The following MIGA1 variants were observed in gnomAD, a reference collection of about 807,000 sequenced individuals.
The protein encoded by MIGA1 is family with sequence similarity 73, member A.
MIGA1 carries 58 observed loss-of-function variants against 82.0 expected under a neutral mutation model. That is an observed-to-expected ratio of 0.71 (90% CI 0.57 to 0.88). MIGA1 has a LOEUF of 0.88. Among genes scored for constraint, MIGA1 ranks in the 40% least tolerant of loss-of-function variants. The probability of loss-of-function intolerance (pLI) is 0.00; values close to 1 mark genes in which losing one functional copy is unlikely to be tolerated. For synonymous variants in MIGA1, 249 were observed against 253.6 expected, an observed-to-expected ratio of 0.98 and a Z score of 0.17; for missense variants, 751 against 749.1, an observed-to-expected ratio of 1.00 and a Z score of -0.03.
At chr1:77,814,432 T>G (rs1189754880) in intron 6 of MIGA1, among the ~76,000 whole-genome samples, 1 of 151,996 alleles carries the variant, frequency 6.6e-6, no homozygotes, top group Non-Finnish European at 1.5e-5. Flanking sequence ...GTTGCCCAGG[T>G]TGGAGTACAG....
Position 77,859,316 on chromosome 1 carries a change from C to T in MIGA1, c.1118C>T (p.Thr373Ile). The change falls in exon 10 of 16, where the codon ACT becomes ATT. Residue 373 changes from threonine to isoleucine, a missense_variant and splice_region_variant. Thr to Ile is a moderately conservative substitution (Grantham distance 89). Transcript: ENST00000370791. ...TGTCTCCCCTGTTTATTACATAGAA[C>T]TGAAATGTTGGAGTGCCTAGGAGAC... 6.2e-7 allele frequency: 1 copy of T among 1,610,758 alleles called. No homozygotes were observed. Among genetic ancestry groups the T allele is most frequent in the Non-Finnish European group, 8.5e-7 (1 of 1,177,038 alleles).
At chr1:77,871,574 G>A (rs1282027336) in intron 14 of MIGA1, among the ~76,000 whole-genome samples, 3 of 151,728 alleles carry the variant, frequency 2.0e-5, no homozygotes, top group Non-Finnish European at 2.9e-5. Flanking sequence ...AATAACCCCC[G>A]CCCCCCAGGA....
At chr1:77,873,248 T>A in intron 15 of MIGA1, 128 bp downstream of exon 15, 1 of 911,420 alleles carries the variant, frequency 1.1e-6, no homozygotes, top group Non-Finnish European at 1.6e-6. Context: ...AAAAGTCACC[T>A]AAATTCAGCA....
chr1:77,821,165 A>G (rs935109745), intron 7 of MIGA1, among the ~76,000 whole-genome samples: 12 of 151,812 alleles, frequency 7.9e-5, no homozygotes, highest in Admixed American at 3.3e-4. Context: ...AATTCTGGAC[A>G]TTATAATAAT....
At chr1:77,783,199 T>C (rs368694034) in intron 1 of MIGA1, 39 bp from the exon 2 acceptor site, 311 of 1,392,134 alleles carry the variant, frequency 2.2e-4, no homozygotes, top group Non-Finnish European at 2.9e-4. Flanking sequence ...TAACCAGAAA[T>C]CTTTGTGGCT....
chr1:77,826,793 A>G (rs1362311444), intron 7 of MIGA1, among the ~76,000 whole-genome samples: 1 of 151,706 alleles, frequency 6.6e-6, no homozygotes, highest in Non-Finnish European at 1.5e-5. Context: ...GAATAAATTA[A>G]GAACACAAAA....
chr1:77,842,881 G>T (rs985974687), intron 7 of MIGA1, among the ~76,000 whole-genome samples: 1 of 152,182 alleles, frequency 6.6e-6, no homozygotes, highest in African/African-American at 2.4e-5. Context: ...CAAGTGACAG[G>T]CTGGATATTT....
chr1:77,792,330 A>C (rs1215452226), intron 2 of MIGA1, among the ~76,000 whole-genome samples: 3 of 152,134 alleles, frequency 2.0e-5, no homozygotes, highest in African/African-American at 7.2e-5. Context: ...GTTTTGAGGT[A>C]ATCTCCCTGT....
intron 2 of MIGA1, among the ~76,000 whole-genome samples, chr1:77,791,707 G>A (rs1370503234): frequency 1.3e-5 from 2 of 151,722 alleles, no homozygotes; most frequent in Non-Finnish European, 2.9e-5. Context: ...GGGATTACAG[G>A]CGCACACCAC....
At chr1:77,871,140 G>C (rs1386328104) in intron 14 of MIGA1, among the ~76,000 whole-genome samples, 2 of 145,554 alleles carry the variant, frequency 1.4e-5, no homozygotes, top group Non-Finnish European at 3.0e-5. Context: ...GAGAGGGAGA[G>C]GGCAGCACAT....
At chr1:77,797,686 A>G (rs1360011865) in intron 2 of MIGA1, among the ~76,000 whole-genome samples, 1 of 152,086 alleles carries the variant, frequency 6.6e-6, no homozygotes, top group Non-Finnish European at 1.5e-5. Context: ...ATTTAGCTCT[A>G]GTATTTTCCT....
intron 7 of MIGA1, among the ~76,000 whole-genome samples, chr1:77,831,408 A>G (rs559126044): frequency 7.2e-4 from 110 of 152,212 alleles, no homozygotes; most frequent in Non-Finnish European, 8.5e-4. Context: ...AAACATGTCT[A>G]TGCTATGTAG....
rs368957718 is a variant in MIGA1 at position 77,874,949 on chromosome 1, G to A, written c.1784G>A (p.Arg595His). Residue 595 changes from arginine (R) to histidine (H), a missense_variant, in exon 16 of 16, where the codon CGC becomes CAC. Arg to His is a conservative substitution (Grantham distance 29). Coordinates refer to ENST00000370791, the MANE Select transcript of MIGA1 (RefSeq NM_198549.4). ...GACCTCATGCAGTTACTCATTCGCC[G>A]CACTGAGCTTTTAATGGCCTATCTT... 28 of 1,613,870 alleles carry A rather than the reference G, an allele frequency of 1.7e-5. No homozygotes were observed. Among genetic ancestry groups the A allele is most frequent in the South Asian group, 1.2e-4 (11 of 91,072 alleles).
chr1:77,826,272 A>C (rs1684023839), intron 7 of MIGA1, among the ~76,000 whole-genome samples: 1 of 152,128 alleles, frequency 6.6e-6, no homozygotes, highest in Non-Finnish European at 1.5e-5. Flanking sequence ...GTTTAAACTT[A>C]TTTTTTGGTA....
chr1:77,861,053 A>G (rs558145544), intron 11 of MIGA1, 171 bp from the exon 12 acceptor site: 11 of 508,820 alleles, frequency 2.2e-5, no homozygotes, highest in Admixed American at 1.1e-4. Context: ...GGCTTCTGCA[A>G]AATGTTGCAA....
intron 8 of MIGA1, among the ~76,000 whole-genome samples, chr1:77,849,563 A>T (rs577382479): frequency 6.6e-6 from 1 of 152,210 alleles, no homozygotes; most frequent in Non-Finnish European, 1.5e-5. Flanking sequence ...AATGTGAATC[A>T]TACATCTTGT....
chr1:77,800,748 T>A (rs923577405), intron 2 of MIGA1, among the ~76,000 whole-genome samples: 10 of 152,236 alleles, frequency 6.6e-5, no homozygotes, highest in African/African-American at 2.4e-4. Context: ...ATGCAAGATC[T>A]GTGACCTCTG....
At chr1:77,850,034 CAAAAA>C (rs377438344) in intron 8 of MIGA1, among the ~76,000 whole-genome samples, 3 of 97,366 alleles carry the variant, frequency 3.1e-5, no homozygotes, top group Non-Finnish European at 4.3e-5. Flanking sequence ...GACTCTCTCT[CAAAAA>C]AAAAAAAAAA....
At chr1:77,799,998 T>G (rs1470994289) in intron 2 of MIGA1, among the ~76,000 whole-genome samples, 1 of 152,186 alleles carries the variant, frequency 6.6e-6, no homozygotes, top group African/African-American at 2.4e-5. Context: ...TTTGATATCT[T>G]TCCTTTTTTA....
Sources: allele counts gnomAD v4.1 joint callset (sites outside exome capture counted in the v4.1 genomes callset), GRCh38; gene constraint gnomAD v4.1.1; transcripts MANE v1.5; gene names NCBI Gene and HGNC (gene_info 2026-07-23, HGNC 2026-07-21).